The following TOP3A variants were observed in gnomAD, a reference collection of about 807,000 sequenced individuals.
TOP3A encodes the protein DNA topoisomerase 3-alpha.
In TOP3A, 64 loss-of-function variants were observed where a neutral mutation model predicts 111.3. That is an observed-to-expected ratio of 0.57 (90% CI 0.47 to 0.71). TOP3A has a LOEUF of 0.71. TOP3A is among the 30% of genes least tolerant of loss of function. TOP3A has a pLI of 0.00. For missense variants in TOP3A, 1,104 were observed against 1,285.0 expected, an observed-to-expected ratio of 0.86 and a Z score of 2.15; for synonymous variants, 484 against 485.1, an observed-to-expected ratio of 1.00 and a Z score of 0.03.
chr17:18,277,611 CCA>C (rs1979458042), intron 18 of TOP3A, 62 bp downstream of exon 18: 1 of 1,537,616 alleles, frequency 6.5e-7, no homozygotes, highest in South Asian at 1.2e-5. Context: ...TCTGCTGTCC[CCA>C]GTCTCTGAGG....
chr17:18,277,974 C>T lies in TOP3A; in HGVS notation c.2528G>A (p.Cys843Tyr), dbSNP rs751450540. The T allele has an allele frequency of 5.0e-6, 8 of 1,614,028 alleles. No homozygotes were observed. Among genetic ancestry groups the T allele is most frequent in the Non-Finnish European group, 6.8e-6 (8 of 1,180,036 alleles). The change falls in exon 18 of 19, where the codon TGC becomes TAC. Residue 843 changes from cysteine to tyrosine, a missense_variant. Physicochemically the swap from Cys to Tyr is radical, Grantham distance 194. Coordinates refer to ENST00000321105, the MANE Select transcript of TOP3A (RefSeq NM_004618.5). ...RQFFKCNGGS[C>Y]NFFLWADSPN... ...GCTGTCTGCCCACAGGAAGAAGTTG[C>T]AGCTACCTCCGTTGCACTTAAAGAA...
At chr17:18,282,614 A>G in intron 16 of TOP3A, 84 bp downstream of exon 16, 1 of 1,570,558 alleles carries the variant, frequency 6.4e-7, no homozygotes, top group Non-Finnish European at 8.7e-7. Flanking sequence ...GATTCCATGG[A>G]GTGAAATGGC....
At chr17:18,300,987 T>C (rs913237398) in intron 8 of TOP3A, among the ~76,000 whole-genome samples, 1 of 152,228 alleles carries the variant, frequency 6.6e-6, no homozygotes, top group African/African-American at 2.4e-5. Context: ...ATGCTATCAC[T>C]GCCTTCAGAG....
rs760314483 is a variant in TOP3A, at chr17:18,299,545, T to C, written c.990+14A>G. On this transcript the variant is annotated intron_variant, in intron 9 of 18. Transcript: ENST00000321105. ...TGTTCCCCGAGTGCCTGAAACAGCC[T>C]GTCTGGAACATACCACAGTGTCCAA... is the stretch of plus-strand genomic sequence containing the variant. 6.2e-7 allele frequency: 1 copy of C among 1,613,592 alleles called. No homozygotes were observed.
chr17:18,282,352 A>T (rs1274964435), intron 16 of TOP3A, among the ~76,000 whole-genome samples: 1 of 152,176 alleles, frequency 6.6e-6, no homozygotes, highest in Non-Finnish European at 1.5e-5. Context: ...TTCAGGCCAC[A>T]CCACTTATAT....
chr17:18,311,441 C>T (rs750622356), intron 1 of TOP3A, among the ~76,000 whole-genome samples: 5 of 152,060 alleles, frequency 3.3e-5, no homozygotes, highest in African/African-American at 4.8e-5. Context: ...TTACAGGACC[C>T]CGCCACCACA....
rs1231543883 is a variant in TOP3A, at chr17:18,272,432, GC to G, written c.*2369del. Among the ~76,000 whole-genome samples, 1 of 152,172 alleles carries G rather than the reference GC, an allele frequency of 6.6e-6. No homozygotes were observed. Among genetic ancestry groups the G allele is most frequent in the Non-Finnish European group, 1.5e-5 (1 of 68,034 alleles). Reference sequence around the variant, plus strand: ...ACTACAATTCCATTCCTCGGCATATGCCCAAAATAACTGAAAACAAGTCATC... The same window carrying G: ...ACTACAATTCCATTCCTCGGCATATGCCAAAATAACTGAAAACAAGTCATC... On this transcript the variant is annotated 3_prime_UTR_variant, in exon 19 of 19. Transcript: ENST00000321105.
intron 1 of TOP3A, chr17:18,312,571 A>T (rs1469885362): frequency 5.6e-5 from 10 of 178,094 alleles, no homozygotes; most frequent in Non-Finnish European, 1.1e-4. Context: ...GTCACTGGGG[A>T]GGCAATGCCC....
intron 11 of TOP3A, among the ~76,000 whole-genome samples, chr17:18,291,748 C>T (rs975840044): frequency 2.0e-5 from 3 of 151,988 alleles, no homozygotes; most frequent in Non-Finnish European, 4.4e-5. Context: ...CAGAGTCTCA[C>T]TCTGTCGCCA....
In TOP3A at chr17:18,296,581, AAAAC is replaced by A. The variant is rs572844166; in HGVS notation, c.991-1800_991-1797del. Among the ~76,000 whole-genome samples, 157 of 152,290 alleles carry A rather than the reference AAAAC, an allele frequency of 1.0e-3. 1 individual carries two copies. Among genetic ancestry groups the A allele is most frequent in the Non-Finnish European group, 1.6e-3 (108 of 68,028 alleles). ...GCGACAGAGCAAGACTCTGTCTCAA[AAAAC>A]AAACAAACAAACAAACAAAATGCAT... is the stretch of plus-strand genomic sequence containing the variant. On this transcript the variant is annotated intron_variant, in intron 9 of 18. Coordinates refer to ENST00000321105, the MANE Select transcript of TOP3A (RefSeq NM_004618.5).
At chr17:18,292,334 T>G (rs1347384105) in intron 11 of TOP3A, among the ~76,000 whole-genome samples, 1 of 152,108 alleles carries the variant, frequency 6.6e-6, no homozygotes, top group African/African-American at 2.4e-5. Context: ...ATTCTCTAGT[T>G]CCAGGGACTG....
At position 18,277,714 on chromosome 17, in the gene TOP3A, A is replaced by G; in HGVS notation, c.2788T>C (p.Cys930Arg). The G allele has an allele frequency of 6.2e-7, 1 of 1,612,058 alleles. No homozygotes were observed. Among genetic ancestry groups the G allele is most frequent in the Non-Finnish European group, 8.5e-7 (1 of 1,178,386 alleles). ...TCATCGACCCACTGGAAAAAGCCAC[A>G]CTGCTGCTCTCTCGGCTTGGCACAT... Reference protein sequence around the residue: ...HTCAKPREQQCGFFQWVDENT... With the variant: ...HTCAKPREQQRGFFQWVDENT... Residue 930 changes from cysteine to arginine, a missense_variant, in exon 18 of 19, where the codon TGT (cysteine) becomes CGT (arginine). Physicochemically the swap from Cys to Arg is radical, Grantham distance 180 (BLOSUM62 -3). Coordinates refer to ENST00000321105, the MANE Select transcript of TOP3A (RefSeq NM_004618.5).
chr17:18,272,322 G>A lies in TOP3A; in HGVS notation c.*2480C>T, dbSNP rs1979044578. 1.3e-5 allele frequency among the ~76,000 whole-genome samples: 2 copies of A among 152,226 alleles called. No homozygotes were observed. Among genetic ancestry groups the A allele is most frequent in the South Asian group, 4.1e-4 (2 of 4,832 alleles). On this transcript the variant is annotated 3_prime_UTR_variant, in exon 19 of 19. Transcript: ENST00000321105. ...TATGGAGAAGCAGTAACCCTGGTGT[G>A]CTGCTGGTGGGTGTAAAGTGGTGCA... is the stretch of plus-strand genomic sequence containing the variant.
intron 5 of TOP3A, chr17:18,302,988 G>A (rs760122601): frequency 7.6e-6 from 3 of 393,160 alleles, no homozygotes; most frequent in Admixed American, 4.2e-5. Context: ...AGATCAGATC[G>A]TTACTGTGTC....
At chr17:18,284,153 C>A (rs1567737076) in intron 15 of TOP3A, among the ~76,000 whole-genome samples, 1 of 151,718 alleles carries the variant, frequency 6.6e-6, no homozygotes. Flanking sequence ...GTACGCACCA[C>A]CATGCCTGGC....
In TOP3A at chr17:18,274,674, G is replaced by A. The variant is rs534525630; in HGVS notation, c.*128C>T. ...TGTGCCCCTTAACACAAGAAGGCCC[G>A]ACTCCAAAGGCCAACACTGTCCTCT... On this transcript the variant is annotated 3_prime_UTR_variant, in exon 19 of 19. Transcript: ENST00000321105. 202 of 1,454,412 alleles carry A rather than the reference G, an allele frequency of 1.4e-4. No individual in the cohort carries two copies. In the East Asian group the frequency reaches 4.4e-3, roughly 32 times the overall value. 90.1% of individuals were successfully genotyped at this position (1,454,412 alleles called of 1,614,324 possible). A position where few individuals can be genotyped will look rare whatever the true frequency, so the allele number is the denominator to read the frequency against.
At chr17:18,305,984 G>A (rs1359889807) in intron 4 of TOP3A, among the ~76,000 whole-genome samples, 1 of 151,264 alleles carries the variant, frequency 6.6e-6, no homozygotes, top group Non-Finnish European at 1.5e-5. Context: ...GGTGGATCAC[G>A]TGAGGTCAGG....
chr17:18,303,501 T>C (rs555767525), intron 5 of TOP3A, among the ~76,000 whole-genome samples: 9 of 152,252 alleles, frequency 5.9e-5, no homozygotes, highest in Non-Finnish European at 8.8e-5. Flanking sequence ...ACCGACCATA[T>C]ATTCTATTCT....
chr17:18,307,969 C>T (rs1464269827), intron 3 of TOP3A, among the ~76,000 whole-genome samples: 3 of 146,354 alleles, frequency 2.0e-5, no homozygotes, highest in African/African-American at 7.6e-5. Context: ...CCCAGCACTT[C>T]AGGAGGCTGA....
Sources: allele counts gnomAD v4.1 joint callset (sites outside exome capture counted in the v4.1 genomes callset), GRCh38; gene constraint gnomAD v4.1.1; transcripts MANE v1.5; gene names NCBI Gene and HGNC (gene_info 2026-07-23, HGNC 2026-07-21).